The following DOCK3 variants were observed in gnomAD, a reference collection of about 807,000 sequenced individuals.
The protein encoded by DOCK3 is dedicator of cytokinesis protein 3.
In DOCK3, 60 loss-of-function variants were observed where a neutral mutation model predicts 265.6. The observed-to-expected ratio is 0.23, with a 90% CI of 0.18 to 0.28. DOCK3 has a LOEUF of 0.28. Among genes scored for constraint, DOCK3 ranks in the 10% least tolerant of loss-of-function variants. The probability of loss-of-function intolerance (pLI) is 1.00; values close to 1 mark genes in which losing one functional copy is unlikely to be tolerated. For missense variants in DOCK3, 1,981 were observed against 2,594.3 expected (o/e 0.76, Z 5.14); for synonymous variants, 881 against 938.0 (o/e 0.94, Z 1.11).
chr3:51,227,137 A>G, intron 15 of DOCK3, 146 bp from the exon 16 acceptor site: 1 of 839,226 alleles, frequency 1.2e-6, no homozygotes, highest in Non-Finnish European at 1.9e-6. Context: ...CATTGAATTT[A>G]AATCAAATGC....
At chr3:51,375,898 C>A in intron 51 of DOCK3, 63 bp downstream of exon 51, 1 of 1,561,506 alleles carries the variant, frequency 6.4e-7, no homozygotes, top group Non-Finnish European at 8.8e-7. Flanking sequence ...TGACTCTTGT[C>A]CCTGAGTACC....
At chr3:50,867,614 T>G (rs1241396716) in intron 3 of DOCK3, among the ~76,000 whole-genome samples, 1 of 152,042 alleles carries the variant, frequency 6.6e-6, no homozygotes, top group African/African-American at 2.4e-5. Context: ...TGTTTTTTTT[T>G]TTTTTTAGGG....
chr3:51,180,261 A>G (rs1446793213), intron 12 of DOCK3, among the ~76,000 whole-genome samples: 2 of 151,348 alleles, frequency 1.3e-5, no homozygotes, highest in East Asian at 1.9e-4. Flanking sequence ...CTTTTTAGCA[A>G]CCAAACTTGA....
At chr3:50,747,796 G>T (rs537399283) in intron 1 of DOCK3, among the ~76,000 whole-genome samples, 4 of 152,112 alleles carry the variant, frequency 2.6e-5, no homozygotes, top group African/African-American at 9.6e-5. Context: ...CCTGGGAGGC[G>T]GAGGTTGCAG....
At chr3:50,787,229 T>C (rs147462817) in intron 2 of DOCK3, 8,194 of 571,094 alleles carry the variant, frequency 0.014, 117 homozygotes, top group Non-Finnish European at 0.019. Context: ...TAATATTCAT[T>C]TGCTTCTCCA....
intron 12 of DOCK3, among the ~76,000 whole-genome samples, chr3:51,163,635 G>T (rs1056021156): frequency 4.6e-5 from 7 of 152,006 alleles, no homozygotes; most frequent in African/African-American, 1.7e-4. Flanking sequence ...ATTGGAGGGG[G>T]TGGGTGTCCA....
At chr3:50,917,718 A>G (rs2050205474) in intron 4 of DOCK3, among the ~76,000 whole-genome samples, 1 of 151,916 alleles carries the variant, frequency 6.6e-6, no homozygotes, top group African/African-American at 2.4e-5. Flanking sequence ...GTTGTCATGA[A>G]TGATAGTTTG....
chr3:50,948,776 G>C (rs982410805), intron 5 of DOCK3, among the ~76,000 whole-genome samples: 1 of 152,038 alleles, frequency 6.6e-6, no homozygotes, highest in Admixed American at 6.5e-5. Flanking sequence ...ACCACGTCCA[G>C]CCTGATGAGT....
At chr3:50,885,337 G>GA (rs1256766684) in intron 3 of DOCK3, among the ~76,000 whole-genome samples, 1 of 148,612 alleles carries the variant, frequency 6.7e-6, no homozygotes, top group Non-Finnish European at 1.5e-5. Flanking sequence ...CATTTATGAA[G>GA]AAAAATGGTA....
At chr3:51,193,597 A>G (rs1227419340) in intron 12 of DOCK3, among the ~76,000 whole-genome samples, 4 of 152,094 alleles carry the variant, frequency 2.6e-5, no homozygotes, top group African/African-American at 7.2e-5. Flanking sequence ...CTTGCTATGC[A>G]TTATTGGTCT....
intron 5 of DOCK3, among the ~76,000 whole-genome samples, chr3:50,984,972 A>G (rs1344057250): frequency 6.6e-6 from 1 of 152,194 alleles, no homozygotes; most frequent in Non-Finnish European, 1.5e-5. Context: ...ACGAGTATCT[A>G]TGGGTTTTGG....
intron 12 of DOCK3, among the ~76,000 whole-genome samples, chr3:51,191,167 C>T (rs185729210): frequency 7.9e-5 from 12 of 152,068 alleles, no homozygotes; most frequent in East Asian, 1.9e-4. Flanking sequence ...AGGGCTTTCA[C>T]GCTACACCCC....
chr3:51,351,124 C>T (rs1185691863), intron 40 of DOCK3, among the ~76,000 whole-genome samples: 3 of 152,186 alleles, frequency 2.0e-5, no homozygotes, highest in African/African-American at 7.2e-5. Context: ...TAGGAGTAGT[C>T]AACATACACT....
At chr3:50,994,694 G>A (rs1009927917) in intron 5 of DOCK3, among the ~76,000 whole-genome samples, 2 of 152,226 alleles carry the variant, frequency 1.3e-5, no homozygotes, top group East Asian at 1.9e-4. Flanking sequence ...CAAAGACAGA[G>A]TAGGATTGCA....
Position 51,275,216 on chromosome 3 carries a change from C to A in DOCK3, c.2676+10C>A, listed in dbSNP as rs746098765. ...CAAGACCAGCTCTCTGGTAGTGGCC[C>A]CACACCCACTCCACCCTGTTCAGCT... On this transcript the variant is annotated intron_variant, in intron 25 of 52. Coordinates refer to ENST00000266037, the MANE Select transcript of DOCK3 (RefSeq NM_004947.5). 1 of 1,613,696 alleles carries A rather than the reference C, an allele frequency of 6.2e-7. No individual in the cohort carries two copies. Among genetic ancestry groups the A allele is most frequent in the Non-Finnish European group, 8.5e-7 (1 of 1,179,842 alleles).
chr3:51,380,702 C>T (rs571310145), intron 52 of DOCK3, among the ~76,000 whole-genome samples: 1 of 152,226 alleles, frequency 6.6e-6, no homozygotes, highest in African/African-American at 2.4e-5. Flanking sequence ...TCCTCTGGTC[C>T]ACGGCCCACC....
intron 29 of DOCK3, 78 bp from the exon 30 acceptor site, chr3:51,312,398 A>C: frequency 9.7e-5 from 107 of 1,102,184 alleles, no homozygotes; most frequent in Non-Finnish European, 1.3e-4. Context: ...GTTCTATGCT[A>C]CATGCATGTA....
rs1156273841 is a variant in DOCK3 at position 51,011,682 on chromosome 3, T to C, written c.316-52766T>C. 2.0e-5 allele frequency among the ~76,000 whole-genome samples: 3 copies of C among 152,366 alleles called. No individual in the cohort carries two copies. In the East Asian group the frequency reaches 5.8e-4, roughly 29 times the overall value. ...TTGCGGGCGAGGAGCTGCATTCCTT[T>C]GGAGGGGAAGAGGCACACTGATTTT... is the stretch of plus-strand genomic sequence containing the variant. On this transcript the variant is annotated intron_variant, in intron 5 of 52. Transcript: ENST00000266037.
chr3:51,074,411 G>A (rs1302703729), intron 6 of DOCK3, among the ~76,000 whole-genome samples: 1 of 152,180 alleles, frequency 6.6e-6, no homozygotes, highest in Admixed American at 6.5e-5. Flanking sequence ...TGTGTCCAGA[G>A]TTATTTCCAC....
Sources: allele counts gnomAD v4.1 joint callset (sites outside exome capture counted in the v4.1 genomes callset), GRCh38; gene constraint gnomAD v4.1.1; transcripts MANE v1.5; gene names NCBI Gene and HGNC (gene_info 2026-07-23, HGNC 2026-07-21).